Variants in DLGAP5 observed in about 807,000 individuals in gnomAD.
DLGAP5 encodes DLG associated protein 5, also known as disks large-associated protein 5.
In DLGAP5, 90 loss-of-function variants were observed where a neutral mutation model predicts 99.6. The observed-to-expected ratio is 0.90, with a 90% confidence interval of 0.76 to 1.08. DLGAP5 has a LOEUF of 1.08. Ranked by LOEUF, DLGAP5 falls within the 50% of genes least tolerant of loss-of-function variation. The pLI is 0.00. For missense variants in DLGAP5, 1,036 were observed against 983.5 expected (o/e 1.05, Z -0.71); for synonymous variants, 311 against 321.3 (o/e 0.97, Z 0.34).
chr14:55,170,778 G>C lies in DLGAP5; in HGVS notation c.1311C>G (p.Leu437=), dbSNP rs780579643. Residue 437 remains leucine (L), a synonymous_variant, in exon 11 of 19, where the codon CTC becomes CTG. Transcript: ENST00000247191. ...AAGTTAATTTCTCAGTTTCTGACTG[G>C]AGGATATTTCTAAAATTATGACATA... ...HHGVPYFRNI[L]QSETEKLTSH... 1.9e-6 allele frequency: 3 copies of C among 1,613,196 alleles called. No homozygotes were observed. The highest frequency in any genetic ancestry group is 2.5e-6 in the Non-Finnish European group (3 of 1,179,356).
intron 12 of DLGAP5, among the ~76,000 whole-genome samples, chr14:55,167,714 T>A (rs1020771520): frequency 2.0e-5 from 3 of 152,212 alleles, no homozygotes; most frequent in Admixed American, 2.0e-4. Flanking sequence ...CTTTCCACCC[T>A]CATGCTTGAT....
chr14:55,165,384 G>T (rs1019110357), intron 12 of DLGAP5, among the ~76,000 whole-genome samples: 1 of 152,046 alleles, frequency 6.6e-6, no homozygotes, highest in Non-Finnish European at 1.5e-5. Flanking sequence ...TTAGCCAGTC[G>T]TGGTGGCACA....
chr14:55,182,442 G>A lies in DLGAP5; in HGVS notation c.433-10C>T. 3 of 1,597,540 alleles carry A rather than the reference G, an allele frequency of 1.9e-6. No individual in the cohort carries two copies. Among genetic ancestry groups the A allele is most frequent in the Non-Finnish European group, 2.6e-6 (3 of 1,175,180 alleles). On this transcript the variant is annotated splice_polypyrimidine_tract_variant and intron_variant, in intron 3 of 18. Coordinates refer to ENST00000247191, the MANE Select transcript of DLGAP5 (RefSeq NM_014750.5). ...CAGAAGATGGAATAGCCTTAGAACA[G>A]TCAAAAGAAGATGAACTTAAAATAT...
chr14:55,148,772 T>C (rs1384843609), intron 18 of DLGAP5: 1 of 417,546 alleles, frequency 2.4e-6, no homozygotes, highest in East Asian at 5.4e-5. Context: ...TACTTTCCAG[T>C]AGATCTTATT....
At chr14:55,149,831 C>T (rs1881951656) in intron 18 of DLGAP5, among the ~76,000 whole-genome samples, 1 of 150,644 alleles carries the variant, frequency 6.6e-6, no homozygotes, top group African/African-American at 2.4e-5. Context: ...GGGGGCATCA[C>T]CTGAGGTCAG....
intron 15 of DLGAP5, among the ~76,000 whole-genome samples, chr14:55,153,852 T>C (rs946403514): frequency 6.6e-6 from 1 of 151,972 alleles, no homozygotes; most frequent in South Asian, 2.1e-4. Flanking sequence ...GGTCAAGAGA[T>C]CAAGACCATC....
At chr14:55,164,393 G>A (rs72718806) in intron 12 of DLGAP5, among the ~76,000 whole-genome samples, 1,790 of 152,170 alleles carry the variant, frequency 0.012, 14 homozygotes, top group Middle Eastern at 0.027. Flanking sequence ...ACAATTCAGC[G>A]GGGAAAAGAC....
At chr14:55,170,401 C>T (rs1025673695) in intron 11 of DLGAP5, among the ~76,000 whole-genome samples, 1 of 151,998 alleles carries the variant, frequency 6.6e-6, no homozygotes, top group African/African-American at 2.4e-5. Flanking sequence ...TAATAATATT[C>T]ACTGTTACTT....
At chr14:55,177,371 CTCTCT>C in intron 7 of DLGAP5, 35 bp from the exon 8 acceptor site, 2 of 1,540,286 alleles carry the variant, frequency 1.3e-6, no homozygotes, top group South Asian at 1.3e-5. Flanking sequence ...AGTAAGATTT[CTCTCT>C]TCTGAGGATA....
At position 55,158,641 on chromosome 14, in the gene DLGAP5, T is replaced by C; in HGVS notation, c.1754A>G (p.Glu585Gly). The C allele has an allele frequency of 6.2e-7, 1 of 1,613,984 alleles. No homozygotes were observed. Among genetic ancestry groups the C allele is most frequent in the East Asian group, 2.2e-5 (1 of 44,868 alleles). ...AGCACATTCTTCCTGCCTAATTCTC[T>C]CTCTCATTGCATTTTTTATGGCAGC... ...RLAAIKNAMR[E>G]RIRQEECAET... The change falls in exon 14 of 19, where the codon GAG becomes GGG. Residue 585 changes from glutamate (E) to glycine (G), a missense_variant. Transcript: ENST00000247191.
chr14:55,173,616 T>TAC (rs774125469), intron 10 of DLGAP5, among the ~76,000 whole-genome samples: 3 of 151,774 alleles, frequency 2.0e-5, no homozygotes, highest in Non-Finnish European at 4.4e-5. Flanking sequence ...TATATATATA[T>TAC]ACATGTTGCA....
intron 14 of DLGAP5, among the ~76,000 whole-genome samples, chr14:55,156,749 C>T (rs1276635120): frequency 2.0e-5 from 3 of 152,158 alleles, no homozygotes; most frequent in Non-Finnish European, 4.4e-5. Flanking sequence ...GAAACAAATA[C>T]TGTCTATAGT....
At chr14:55,179,519 C>A in intron 7 of DLGAP5, 110 bp downstream of exon 7, 1 of 808,314 alleles carries the variant, frequency 1.2e-6, no homozygotes, top group Admixed American at 3.1e-5. Context: ...AGTTTTAACA[C>A]ACATGTAGGT....
chr14:55,168,976 A>G (rs1244674579), intron 12 of DLGAP5, among the ~76,000 whole-genome samples: 3 of 152,194 alleles, frequency 2.0e-5, no homozygotes, highest in African/African-American at 7.2e-5. Context: ...GAAGATCGAG[A>G]CCATCCTGGC....
At chr14:55,171,600 C>T (rs778939068) in intron 10 of DLGAP5, among the ~76,000 whole-genome samples, 2 of 152,142 alleles carry the variant, frequency 1.3e-5, no homozygotes, top group African/African-American at 4.8e-5. Context: ...ACCACACAAC[C>T]CAGCAATTCT....
chr14:55,183,488 T>TAACCCTTTCTTCA, intron 3 of DLGAP5, 72 bp downstream of exon 3: 1 of 1,282,616 alleles, frequency 7.8e-7, no homozygotes, highest in South Asian at 1.7e-5. Flanking sequence ...GGAAAGGGGT[T>TAACCCTTTCTTCA]AGTCACTTAA....
intron 12 of DLGAP5, among the ~76,000 whole-genome samples, chr14:55,163,594 G>A (rs1031437046): frequency 6.6e-6 from 1 of 152,192 alleles, no homozygotes; most frequent in African/African-American, 2.4e-5. Context: ...GCGAGTGACT[G>A]CCAAACTGTC....
At chr14:55,173,288 CAAAA>C (rs33912800) in intron 10 of DLGAP5, among the ~76,000 whole-genome samples, 1 of 121,748 alleles carries the variant, frequency 8.2e-6, no homozygotes, top group African/African-American at 2.7e-5. Flanking sequence ...AAAAAAAAAA[CAAAA>C]AAAAAAACAC....
intron 14 of DLGAP5, 76 bp downstream of exon 14, chr14:55,158,446 C>T (rs1882287942): frequency 1.1e-5 from 13 of 1,236,150 alleles, no homozygotes; most frequent in Non-Finnish European, 1.5e-5. Flanking sequence ...CTTACACAAG[C>T]CCCCATCTAT....
Sources: gnomAD v4.1 joint callset for allele counts (sites outside exome capture counted in the v4.1 genomes callset) on GRCh38, gnomAD v4.1.1 for gene constraint, MANE v1.5 for transcripts, NCBI Gene and HGNC (gene_info 2026-07-23, HGNC 2026-07-21) for gene names.